ADAMTS9: variants seen among roughly 807,000 people sequenced by gnomAD.
ADAMTS9 encodes A disintegrin and metalloproteinase with thrombospondin motifs 9.
ADAMTS9 carries 107 observed loss-of-function variants against 257.1 expected under a neutral mutation model. The observed-to-expected ratio is 0.42, with a 90% confidence interval of 0.36 to 0.49. The LOEUF (loss-of-function observed/expected upper bound fraction) is 0.49, where lower values mean the gene tolerates loss of function less well. Among genes scored for constraint, ADAMTS9 ranks in the 20% least tolerant of loss-of-function variants. The probability of loss-of-function intolerance (pLI) is 0.03; values close to 1 mark genes in which losing one functional copy is unlikely to be tolerated. For synonymous variants in ADAMTS9, 982 were observed against 880.9 expected (o/e 1.11, Z -2.03); for missense variants, 2,353 against 2,469.1 (o/e 0.95, Z 1.00).
At chr3:64,622,912 G>A (rs1700142641) in intron 16 of ADAMTS9, among the ~76,000 whole-genome samples, 1 of 152,212 alleles carries the variant, frequency 6.6e-6, no homozygotes, top group African/African-American at 2.4e-5. Flanking sequence ...TAGAATTATA[G>A]ATGGAAACAA....
intron 37 of ADAMTS9, among the ~76,000 whole-genome samples, chr3:64,534,066 T>C (rs1010140456): frequency 6.6e-6 from 1 of 152,218 alleles, no homozygotes; most frequent in Non-Finnish European, 1.5e-5. Flanking sequence ...TACTCCACAA[T>C]GAGCAGTTTC....
At chr3:64,529,301 G>A (rs1271877735) in intron 38 of ADAMTS9, among the ~76,000 whole-genome samples, 3 of 152,172 alleles carry the variant, frequency 2.0e-5, no homozygotes, top group Non-Finnish European at 4.4e-5. Context: ...GTGAGACAGC[G>A]TTACTGTTCT....
intron 16 of ADAMTS9, among the ~76,000 whole-genome samples, chr3:64,627,260 A>C (rs900812064): frequency 6.6e-6 from 1 of 151,998 alleles, no homozygotes; most frequent in African/African-American, 2.4e-5. Flanking sequence ...TCACCCTTCC[A>C]TGCATATTCT....
chr3:64,549,279 C>T (rs1378828377), intron 31 of ADAMTS9, among the ~76,000 whole-genome samples: 1 of 152,148 alleles, frequency 6.6e-6, no homozygotes, highest in Non-Finnish European at 1.5e-5. Context: ...TCAATCTTCT[C>T]CCTGTTTCAT....
chr3:64,615,969 G>A lies in ADAMTS9; in HGVS notation c.3015C>T (p.Ala1005=). Residue 1005 remains alanine (A), a synonymous_variant, in exon 20 of 40, where the codon GCC becomes GCT. Transcript: ENST00000498707. ...ECNTGGWRYS[A]WTECSKSCDG... ...GTGAGAGCCAACTTACTTCAGTCCAGGCAGAATAGCGCCAGCCACCCGTGT... is the reference window on the plus strand; with the variant it reads ...GTGAGAGCCAACTTACTTCAGTCCAAGCAGAATAGCGCCAGCCACCCGTGT... The A allele has an allele frequency of 6.2e-7, 1 of 1,612,994 alleles. No individual in the cohort carries two copies. Among genetic ancestry groups the A allele is most frequent in the Non-Finnish European group, 8.5e-7 (1 of 1,179,940 alleles).
rs757530486 is a variant in ADAMTS9, at chr3:64,647,999, T to C, written c.1651A>G (p.Lys551Glu). 1 of 1,613,686 alleles carries C rather than the reference T, an allele frequency of 6.2e-7. No homozygotes were observed. The highest frequency in any genetic ancestry group is 1.3e-5 in the African/African-American group (1 of 74,954). ...LWCNNVNGVHKGCRTQHTPWA... is the reference protein window; with the variant it reads ...LWCNNVNGVHEGCRTQHTPWA... ...GGTGTGTGCTGAGTCCGGCAGCCTT[T>C]GTGTACTCCATTGACGTTATTGCAC... is the stretch of plus-strand genomic sequence containing the variant. The change falls in exon 11 of 40, where the codon AAA becomes GAA. Residue 551 changes from lysine (K) to glutamate (E), a missense_variant. By Grantham distance (56) the Lys-to-Glu change is moderately conservative. Transcript: ENST00000498707.
intron 25 of ADAMTS9, 61 bp from the exon 26 acceptor site, chr3:64,602,274 T>C: frequency 1.3e-6 from 2 of 1,573,340 alleles, no homozygotes; most frequent in Non-Finnish European, 1.7e-6. Context: ...TGACAATTCC[T>C]GAATGTGCAT....
At chr3:64,638,719 G>GTTCA (rs1267361632) in intron 12 of ADAMTS9, among the ~76,000 whole-genome samples, 2 of 152,138 alleles carry the variant, frequency 1.3e-5, no homozygotes, top group African/African-American at 4.8e-5. Flanking sequence ...TCTACAGCTT[G>GTTCA]TTCATGGAGT....
intron 38 of ADAMTS9, among the ~76,000 whole-genome samples, chr3:64,529,608 G>A (rs2082951741): frequency 6.6e-6 from 1 of 152,200 alleles, no homozygotes. Flanking sequence ...GTGGGAACAG[G>A]ATATGGCACA....
At chr3:64,645,648 A>AT (rs1338945522) in intron 11 of ADAMTS9, among the ~76,000 whole-genome samples, 1 of 152,168 alleles carries the variant, frequency 6.6e-6, no homozygotes, top group Non-Finnish European at 1.5e-5. Context: ...TCTTCAGGAT[A>AT]TTTATATATA....
At position 64,610,804 on chromosome 3, in the gene ADAMTS9, C is replaced by T. The variant is rs373554551; in HGVS notation, c.3354+2541G>A. ...AAAAAGTTAAACCCAGAGCCGGGCA[C>T]GGTGTCTTAGGCCTGTAATCCCAGC... On this transcript the variant is annotated intron_variant, in intron 22 of 39. Transcript: ENST00000498707. Among the ~76,000 whole-genome samples the T allele has an allele frequency of 1.2e-4, 18 of 152,090 alleles. 1 individual carries two copies. The South Asian group carries it at 2.3e-3, about 19-fold the overall frequency.
At chr3:64,576,929 T>C (rs2106723153) in intron 28 of ADAMTS9, among the ~76,000 whole-genome samples, 1 of 152,250 alleles carries the variant, frequency 6.6e-6, no homozygotes, top group South Asian at 2.1e-4. Context: ...GGCTCACATC[T>C]TCCACTCCCA....
Position 64,642,102 on chromosome 3 carries a change from T to G in ADAMTS9, c.1711-109A>C, listed in dbSNP as rs923832540. On this transcript the variant is annotated intron_variant, in intron 11 of 39. Coordinates refer to ENST00000498707, the MANE Select transcript of ADAMTS9 (RefSeq NM_182920.2). ...TGTAATTCTTTTCCATGTGTGGGTT[T>G]GAAATGCTGCAGGTTCATCATCTAT... 11 of 1,256,208 alleles carry G rather than the reference T, an allele frequency of 8.8e-6. No individual in the cohort carries two copies. In the African/African-American group the frequency reaches 1.5e-4, roughly 17 times the overall value. The allele number at this position is 1,256,208 out of a possible 1,614,324, so 77.8% of individuals were successfully genotyped here. A position where few individuals can be genotyped will look rare whatever the true frequency, so the allele number is the denominator to read the frequency against.
At chr3:64,606,857 G>T in intron 23 of ADAMTS9, 103 bp downstream of exon 23, 1 of 1,454,292 alleles carries the variant, frequency 6.9e-7, no homozygotes, top group East Asian at 2.3e-5. Flanking sequence ...TTGCTCTACT[G>T]ACATACTTAT....
chr3:64,667,471 G>C (rs913818619), intron 3 of ADAMTS9, among the ~76,000 whole-genome samples: 1 of 152,302 alleles, frequency 6.6e-6, no homozygotes, highest in African/African-American at 2.4e-5. Context: ...CCCTCTCAGG[G>C]AGAGAAGGGC....
intron 37 of ADAMTS9, among the ~76,000 whole-genome samples, chr3:64,534,963 C>T (rs890861914): frequency 2.0e-5 from 3 of 152,086 alleles, no homozygotes; most frequent in Non-Finnish European, 4.4e-5. Context: ...TCAGCATGAC[C>T]TCAGGCAAGG....
intron 14 of ADAMTS9, among the ~76,000 whole-genome samples, chr3:64,633,216 G>A (rs1700411699): frequency 6.6e-6 from 1 of 152,120 alleles, no homozygotes; most frequent in African/African-American, 2.4e-5. Context: ...AATTTTTAAG[G>A]AGAGGTTTTG....
intron 3 of ADAMTS9, among the ~76,000 whole-genome samples, chr3:64,680,583 G>C (rs144948122): frequency 7.9e-5 from 12 of 152,224 alleles, no homozygotes; most frequent in Non-Finnish European, 1.8e-4. Flanking sequence ...AAACCTCAAA[G>C]AATCTGGCCA....
At chr3:64,538,076 C>T (rs1295977839) in intron 37 of ADAMTS9, among the ~76,000 whole-genome samples, 2 of 152,194 alleles carry the variant, frequency 1.3e-5, no homozygotes, top group Admixed American at 6.5e-5. Context: ...ACACTGCAGA[C>T]GTTGTAGAAC....
Sources: gnomAD v4.1 joint callset for allele counts (sites outside exome capture counted in the v4.1 genomes callset) on GRCh38, gnomAD v4.1.1 for gene constraint, MANE v1.5 for transcripts, NCBI Gene and HGNC (gene_info 2026-07-23, HGNC 2026-07-21) for gene names.